Variants in PSD3 observed in about 807,000 individuals in gnomAD.
PSD3 encodes PH and SEC7 domain-containing protein 3.
PSD3 carries 49 observed loss-of-function variants against 105.5 expected under a neutral mutation model. The observed-to-expected ratio is 0.46, with a 90% CI of 0.37 to 0.59. The LOEUF (loss-of-function observed/expected upper bound fraction) is 0.59, where lower values mean the gene tolerates loss of function less well. Among genes scored for constraint, PSD3 ranks in the 20% least tolerant of loss-of-function variants. The pLI is 0.00. For missense variants in PSD3, 1,561 were observed against 1,263.8 expected (o/e 1.24, Z -3.57); for synonymous variants, 557 against 457.8 (o/e 1.22, Z -2.77).
At chr8:18,553,015 T>C (rs1028820781) in intron 15 of PSD3, among the ~76,000 whole-genome samples, 1 of 152,130 alleles carries the variant, frequency 6.6e-6, no homozygotes, top group Admixed American at 6.5e-5. Flanking sequence ...TTTGGACAGT[T>C]TCTAAGGCAT....
intron 1 of PSD3, among the ~76,000 whole-genome samples, chr8:19,007,943 A>G (rs546684796): frequency 6.6e-6 from 1 of 152,238 alleles, no homozygotes; most frequent in Non-Finnish European, 1.5e-5. Flanking sequence ...CCTGGGTTCA[A>G]GTGATTCTCC....
chr8:18,669,553 C>G (rs528816992), intron 9 of PSD3, among the ~76,000 whole-genome samples: 1 of 152,306 alleles, frequency 6.6e-6, no homozygotes, highest in African/African-American at 2.4e-5. Context: ...TAGTAAGTGA[C>G]TGAGGGCAGG....
intron 9 of PSD3, among the ~76,000 whole-genome samples, chr8:18,710,691 T>C (rs1309580103): frequency 6.6e-6 from 1 of 152,072 alleles, no homozygotes; most frequent in Non-Finnish European, 1.5e-5. Context: ...ATATTCAATT[T>C]TTTTTTTTGA....
intron 15 of PSD3, among the ~76,000 whole-genome samples, chr8:18,549,632 CAG>C (rs1800651370): frequency 2.0e-5 from 3 of 152,224 alleles, no homozygotes; most frequent in African/African-American, 4.8e-5. Context: ...GAGACGACAA[CAG>C]AAAGCTCCCA....
intron 1 of PSD3, among the ~76,000 whole-genome samples, chr8:19,056,213 A>C (rs920731086): frequency 2.0e-5 from 3 of 152,232 alleles, no homozygotes. Context: ...AGAATCTATA[A>C]CTTAAAAAAT....
chr8:18,562,094 C>A (rs550137562), intron 14 of PSD3, among the ~76,000 whole-genome samples: 1 of 152,264 alleles, frequency 6.6e-6, no homozygotes, highest in South Asian at 2.1e-4. Context: ...CAGAGAGAAT[C>A]GGGAAACAGA....
chr8:18,563,573 G>A (rs1318816294), intron 14 of PSD3, among the ~76,000 whole-genome samples: 3 of 152,162 alleles, frequency 2.0e-5, no homozygotes, highest in Non-Finnish European at 4.4e-5. Context: ...CCAAAAGATT[G>A]TTTCATAATT....
chr8:18,710,926 GCCCAACTCGGCCT>G (rs1174373189), intron 9 of PSD3, among the ~76,000 whole-genome samples: 3 of 151,996 alleles, frequency 2.0e-5, no homozygotes, highest in African/African-American at 7.2e-5. Flanking sequence ...CAGGTGATCT[GCCCAACTCGGCCT>G]CCCAAAGTTC....
At chr8:18,636,825 C>A (rs1306549284) in intron 10 of PSD3, among the ~76,000 whole-genome samples, 1 of 152,170 alleles carries the variant, frequency 6.6e-6, no homozygotes, top group Non-Finnish European at 1.5e-5. Flanking sequence ...CCATATAGTA[C>A]ACATGATGTT....
At chr8:18,765,941 G>A (rs1269992083) in intron 8 of PSD3, among the ~76,000 whole-genome samples, 2 of 148,332 alleles carry the variant, frequency 1.3e-5, no homozygotes, top group Non-Finnish European at 3.0e-5. Flanking sequence ...GCACTCCAGC[G>A]TGGGTGACAG....
At chr8:18,844,832 C>G (rs558065078) in intron 4 of PSD3, among the ~76,000 whole-genome samples, 22 of 152,190 alleles carry the variant, frequency 1.4e-4, no homozygotes, top group Non-Finnish European at 2.2e-4. Context: ...GAATAAGCTA[C>G]TCTGCATAGC....
At chr8:18,941,987 T>C (rs963530504) in intron 1 of PSD3, among the ~76,000 whole-genome samples, 3 of 152,152 alleles carry the variant, frequency 2.0e-5, no homozygotes, top group African/African-American at 7.2e-5. Context: ...AGAATGATTC[T>C]TTTAATTAAT....
intron 1 of PSD3, among the ~76,000 whole-genome samples, chr8:18,942,254 CTAAAT>C (rs1414687260): frequency 2.6e-5 from 4 of 152,162 alleles, no homozygotes; most frequent in African/African-American, 7.2e-5. Context: ...AAATTAAACA[CTAAAT>C]TAAAGACTAT....
In PSD3 at chr8:18,632,768, G is replaced by C. The variant is rs1476397788; in HGVS notation, c.2255C>G (p.Thr752Ser). 1 of 1,603,086 alleles carries C rather than the reference G, an allele frequency of 6.2e-7. No individual in the cohort carries two copies. Among genetic ancestry groups the C allele is most frequent in the East Asian group, 2.2e-5 (1 of 44,740 alleles). Residue 752 changes from threonine (T) to serine (S), a missense_variant, in exon 11 of 16, where the codon ACT becomes AGT. Transcript: ENST00000327040. ...EEKKKSPSESTEEKANGTHPK... is the reference protein window; with the variant it reads ...EEKKKSPSESSEEKANGTHPK... ...ATGTGTTCCGTTAGCTTTCTCCTCA[G>C]TACTTTCTGAGGGAGACTTTTTTTT... is the stretch of plus-strand genomic sequence containing the variant.
At chr8:19,020,199 C>A (rs1827320138) in intron 1 of PSD3, among the ~76,000 whole-genome samples, 1 of 151,922 alleles carries the variant, frequency 6.6e-6, no homozygotes, top group South Asian at 2.1e-4. Flanking sequence ...AGAAAATAAG[C>A]AAGATAAGTA....
chr8:18,988,877 CG>C (rs1156421813), intron 1 of PSD3, among the ~76,000 whole-genome samples: 2 of 152,106 alleles, frequency 1.3e-5, no homozygotes, highest in African/African-American at 4.8e-5. Flanking sequence ...GAATAAAAAG[CG>C]TGTGTTTGTC....
At position 18,528,280 on chromosome 8, in the gene PSD3, G is replaced by A. The variant is rs1799506309; in HGVS notation, c.*7463C>T. The A allele has an allele frequency of 6.6e-6, 1 of 152,216 alleles. No individual in the cohort carries two copies. The highest frequency in any genetic ancestry group is 1.5e-5 in the Non-Finnish European group (1 of 68,052). The allele number at this position is 152,216 out of a possible 1,614,324, so 9.4% of individuals were successfully genotyped here. On this transcript the variant is annotated 3_prime_UTR_variant, in exon 16 of 16. Coordinates refer to ENST00000327040, the MANE Select transcript of PSD3 (RefSeq NM_015310.4). ...TATTCCTCGACCCTTCCCCTAGAAA[G>A]GAAACGTTAGCCATTTCCAGGAATC...
chr8:18,679,254 C>T (rs1050544975), intron 9 of PSD3, among the ~76,000 whole-genome samples: 1 of 152,152 alleles, frequency 6.6e-6, no homozygotes, highest in Non-Finnish European at 1.5e-5. Flanking sequence ...TTGTGTATAG[C>T]TTTAACTCAC....
At chr8:18,748,533 G>A (rs1042648097) in intron 9 of PSD3, among the ~76,000 whole-genome samples, 3 of 151,784 alleles carry the variant, frequency 2.0e-5, no homozygotes, top group African/African-American at 4.8e-5. Context: ...GGTGGCAGGC[G>A]CCTGTAGTCC....
Sources: allele counts gnomAD v4.1 joint callset (sites outside exome capture counted in the v4.1 genomes callset), GRCh38; gene constraint gnomAD v4.1.1; transcripts MANE v1.5; gene names NCBI Gene and HGNC (gene_info 2026-07-23, HGNC 2026-07-21).